ADCY8: variants seen among roughly 807,000 people sequenced by gnomAD.
ADCY8 encodes adenylate cyclase 8.
In ADCY8, 51 loss-of-function variants were observed where a neutral mutation model predicts 119.7. The observed-to-expected ratio is 0.43, with a 90% CI of 0.34 to 0.54. ADCY8 has a LOEUF of 0.54. Ranked by LOEUF, ADCY8 falls within the 20% of genes least tolerant of loss-of-function variation. The pLI is 0.03. For missense variants in ADCY8, 1,383 were observed against 1,598.8 expected (o/e 0.87, Z 2.30); for synonymous variants, 665 against 651.0 (o/e 1.02, Z -0.33).
At chr8:131,011,993 G>A (rs1823322240) in intron 1 of ADCY8, among the ~76,000 whole-genome samples, 1 of 152,180 alleles carries the variant, frequency 6.6e-6, no homozygotes, top group African/African-American at 2.4e-5. Context: ...GAACAAGGGG[G>A]TAGAGGCAGG....
Position 130,951,106 on chromosome 8 carries a change from G to A in ADCY8, c.1241+762C>T, listed in dbSNP as rs762924563. On this transcript the variant is annotated intron_variant, in intron 3 of 17. Transcript: ENST00000286355. ...AATGCTCTACTACTTGCTTAACTCTGCCTGTTTTATATTTTGTATTAATAT... is the reference window on the plus strand; with the variant it reads ...AATGCTCTACTACTTGCTTAACTCTACCTGTTTTATATTTTGTATTAATAT... 6.5e-4 allele frequency among the ~76,000 whole-genome samples: 99 copies of A among 152,170 alleles called. 1 individual carries two copies. Among genetic ancestry groups the A allele is most frequent in the African/African-American group, 1.2e-4 (5 of 41,432 alleles).
rs374253931 is a variant in ADCY8 at position 130,828,080 on chromosome 8, G to T, written c.2676-6660C>A. On this transcript the variant is annotated intron_variant, in intron 12 of 17. Transcript: ENST00000286355. ...TTTCCAGCTGGGGCTAACCCCCGGG[G>T]TTATCCAAAGGCTTCTGAACTGACG... Among the ~76,000 whole-genome samples, 4 of 152,226 alleles carry T rather than the reference G, an allele frequency of 2.6e-5. No homozygotes were observed. The South Asian group carries it at 6.2e-4, about 24-fold the overall frequency.
intron 1 of ADCY8, among the ~76,000 whole-genome samples, chr8:131,017,627 G>A (rs1466888481): frequency 2.0e-5 from 3 of 152,226 alleles, no homozygotes; most frequent in African/African-American, 7.2e-5. Flanking sequence ...CTCTGCATGG[G>A]CAGCCACCAG....
chr8:130,799,660 C>T (rs148491465), intron 15 of ADCY8, among the ~76,000 whole-genome samples: 4 of 152,342 alleles, frequency 2.6e-5, no homozygotes, highest in African/African-American at 9.6e-5. Flanking sequence ...ACCAGGGCAG[C>T]CCATGACCAA....
chr8:130,832,732 A>G (rs1363336290), intron 12 of ADCY8, among the ~76,000 whole-genome samples: 1 of 152,218 alleles, frequency 6.6e-6, no homozygotes, highest in African/African-American at 2.4e-5. Context: ...TAATTTGATT[A>G]CAAACTCTTC....
chr8:131,003,313 A>T (rs1273955172), intron 1 of ADCY8, among the ~76,000 whole-genome samples: 3 of 152,194 alleles, frequency 2.0e-5, no homozygotes, highest in African/African-American at 7.2e-5. Context: ...AAAAGAAGTG[A>T]TTACAACATT....
At chr8:131,001,024 T>G (rs1195433257) in intron 1 of ADCY8, among the ~76,000 whole-genome samples, 1 of 152,174 alleles carries the variant, frequency 6.6e-6, no homozygotes, top group Non-Finnish European at 1.5e-5. Context: ...CACTGTGAAC[T>G]AGGTCCCATT....
chr8:131,017,115 G>C (rs1823499785), intron 1 of ADCY8, among the ~76,000 whole-genome samples: 1 of 151,624 alleles, frequency 6.6e-6, no homozygotes, highest in South Asian at 2.1e-4. Flanking sequence ...TGTCACTAAG[G>C]CTGGAGTGCA....
chr8:130,913,232 A>C (rs1296519593), intron 5 of ADCY8, among the ~76,000 whole-genome samples: 2 of 152,146 alleles, frequency 1.3e-5, no homozygotes, highest in African/African-American at 4.8e-5. Context: ...TAAAATGTAC[A>C]ATCAAGTTAT....
chr8:130,817,460 T>C (rs925184370), intron 13 of ADCY8, among the ~76,000 whole-genome samples: 9 of 152,314 alleles, frequency 5.9e-5, no homozygotes, highest in African/African-American at 2.2e-4. Context: ...AAATTTTAGG[T>C]ACTTTTAATT....
chr8:130,934,337 A>C (rs746594956), intron 5 of ADCY8, among the ~76,000 whole-genome samples: 5 of 152,188 alleles, frequency 3.3e-5, no homozygotes, highest in Non-Finnish European at 7.3e-5. Context: ...GGTAAAGGGG[A>C]AGCAGGCACA....
At chr8:130,804,772 A>G (rs1054382157) in intron 14 of ADCY8, among the ~76,000 whole-genome samples, 5 of 152,120 alleles carry the variant, frequency 3.3e-5, no homozygotes, top group Non-Finnish European at 7.4e-5. Context: ...TTTGAGACAG[A>G]GTCTCACTCT....
chr8:130,869,589 T>C lies in ADCY8; in HGVS notation c.2110-1643A>G, dbSNP rs1490509861. 1.1e-4 allele frequency among the ~76,000 whole-genome samples: 17 copies of C among 148,968 alleles called. No individual in the cohort carries two copies. In the East Asian group the frequency reaches 1.4e-3, roughly 12 times the overall value. ...CTGGAGTGCAGTGGTGTGATCTCGG[T>C]TCACTGCAAGCTCTGCCTCCCAGGT... On this transcript the variant is annotated intron_variant, in intron 8 of 17. Transcript: ENST00000286355.
At chr8:131,017,846 A>T (rs1468475521) in intron 1 of ADCY8, among the ~76,000 whole-genome samples, 1 of 152,066 alleles carries the variant, frequency 6.6e-6, no homozygotes, top group East Asian at 1.9e-4. Context: ...TCCCACTAGG[A>T]GATGAGCAGA....
chr8:130,847,334 C>A, intron 11 of ADCY8, 90 bp downstream of exon 11: 1 of 922,726 alleles, frequency 1.1e-6, no homozygotes, highest in Non-Finnish European at 1.7e-6. Flanking sequence ...TGAGTATTTT[C>A]TATGGCCCTT....
chr8:130,911,761 TTAAA>T (rs1349914959), intron 5 of ADCY8, among the ~76,000 whole-genome samples: 2 of 150,194 alleles, frequency 1.3e-5, no homozygotes, highest in East Asian at 1.9e-4. Context: ...ATGAATATAA[TTAAA>T]TATAATTAAT....
At chr8:130,950,774 A>G (rs1379523609) in intron 3 of ADCY8, among the ~76,000 whole-genome samples, 1 of 152,128 alleles carries the variant, frequency 6.6e-6, no homozygotes, top group Non-Finnish European at 1.5e-5. Flanking sequence ...ATCTCAGTTC[A>G]CTGCAACCTC....
intron 8 of ADCY8, among the ~76,000 whole-genome samples, chr8:130,881,327 T>C (rs981666759): frequency 1.3e-5 from 2 of 152,180 alleles, no homozygotes; most frequent in Admixed American, 6.5e-5. Context: ...CCAATTATTA[T>C]AGGCAAACGT....
intron 12 of ADCY8, 104 bp from the exon 13 acceptor site, chr8:130,821,524 A>T (rs772581474): frequency 4.6e-4 from 368 of 798,940 alleles, no homozygotes; most frequent in Non-Finnish European, 7.3e-4. Context: ...AAAAACACAC[A>T]TCTTTTCAGC....
Sources: allele counts gnomAD v4.1 joint callset (sites outside exome capture counted in the v4.1 genomes callset), GRCh38; gene constraint gnomAD v4.1.1; transcripts MANE v1.5; gene names NCBI Gene and HGNC (gene_info 2026-07-23, HGNC 2026-07-21).